LRRC69: variants seen among roughly 807,000 people sequenced by gnomAD.
LRRC69 encodes leucine rich repeat containing 69, also known as leucine-rich repeat-containing protein 69.
LRRC69 carries 42 observed loss-of-function variants against 37.8 expected under a neutral mutation model. The observed-to-expected ratio is 1.11, with a 90% confidence interval of 0.87 to 1.44. The LOEUF (loss-of-function observed/expected upper bound fraction) is 1.44. LRRC69 is among the 40% of genes most tolerant of loss of function. The pLI, the probability that LRRC69 is intolerant of heterozygous loss-of-function variation, is 0.00. For synonymous variants in LRRC69, 141 were observed against 143.1 expected, an observed-to-expected ratio of 0.99 and a Z score of 0.11; for missense variants, 357 against 401.9, an observed-to-expected ratio of 0.89 and a Z score of 0.96.
chr8:91,218,963 A>T, exon 8 of LRRC69: 1 of 1,551,146 alleles, frequency 6.4e-7, no homozygotes, highest in South Asian at 1.2e-5. Context: ...TGTTTTACTC[A>T]ACGTGACCCT....
chr8:91,105,496 C>T (rs1480350842), intron 1 of LRRC69, among the ~76,000 whole-genome samples: 4 of 151,604 alleles, frequency 2.6e-5, no homozygotes, highest in African/African-American at 7.3e-5. Context: ...CTGGCCTGGG[C>T]AACATAGTGA....
intron 5 of LRRC69, among the ~76,000 whole-genome samples, chr8:91,151,672 GC>G (rs989005326): frequency 6.6e-6 from 1 of 151,688 alleles, no homozygotes; most frequent in African/African-American, 2.4e-5. Context: ...TAATGGGATT[GC>G]TGGGTCAAAT....
intron 6 of LRRC69, among the ~76,000 whole-genome samples, chr8:91,198,294 T>G (rs6987764): frequency 0.44 from 66,549 of 152,016 alleles, 16,734 homozygotes; most frequent in South Asian, 0.64. Flanking sequence ...AATCCCAACT[T>G]TACAGATGAG....
chr8:91,148,934 G>GT (rs995842874), intron 5 of LRRC69, among the ~76,000 whole-genome samples: 2 of 151,674 alleles, frequency 1.3e-5, no homozygotes, highest in African/African-American at 4.8e-5. Flanking sequence ...GGGGTTGTTT[G>GT]TTTTTTTCTT....
chr8:91,216,959 C>T (rs1810059764), intron 7 of LRRC69, among the ~76,000 whole-genome samples: 1 of 152,062 alleles, frequency 6.6e-6, no homozygotes, highest in South Asian at 2.1e-4. Flanking sequence ...TGGTTTCTCC[C>T]CAGGCAGACA....
In LRRC69 at chr8:91,127,171, T is replaced by C; in HGVS notation, c.383+11T>C. Reference sequence around the variant, plus strand: ...TCAAGAAGTCAGCAGGTAATTTTGTTTATAGCAAGACTTGGTTAACAATCG... The same window carrying C: ...TCAAGAAGTCAGCAGGTAATTTTGTCTATAGCAAGACTTGGTTAACAATCG... On this transcript the variant is annotated intron_variant, in intron 3 of 7. Coordinates refer to ENST00000448384, the Ensembl canonical transcript of LRRC69. 6.5e-7 allele frequency: 1 copy of C among 1,545,138 alleles called. No homozygotes were observed. The highest frequency in any genetic ancestry group is 1.2e-5 in the South Asian group (1 of 83,680).
At chr8:91,212,150 G>T (rs967458142) in intron 7 of LRRC69, among the ~76,000 whole-genome samples, 1 of 152,076 alleles carries the variant, frequency 6.6e-6, no homozygotes, top group Admixed American at 6.5e-5. Flanking sequence ...AGCTACTAAT[G>T]ATATAAATCT....
intron 5 of LRRC69, among the ~76,000 whole-genome samples, chr8:91,154,966 A>G (rs1039691358): frequency 6.6e-6 from 1 of 151,720 alleles, no homozygotes; most frequent in Non-Finnish European, 1.5e-5. Flanking sequence ...TCCTATATCC[A>G]GAAAACCCCG....
At position 91,140,639 on chromosome 8, in the gene LRRC69, A is replaced by ATTTTTTTTTT. The variant is rs71266165; in HGVS notation, c.651+4923_651+4932dup. 1.7e-4 allele frequency among the ~76,000 whole-genome samples: 4 copies of ATTTTTTTTTT among 23,252 alleles called. 1 individual carries two copies. The highest frequency in any genetic ancestry group is 9.2e-4 in the African/African-American group (4 of 4,326). 15.3% of individuals were successfully genotyped at this position (23,252 alleles called of 152,430 possible). A position where few individuals can be genotyped will look rare whatever the true frequency, so the allele number is the denominator to read the frequency against. Reference sequence around the variant, plus strand: ...TTAAATGAATATTCTTCAATATGTGATTTTTTTTTTTTTTTTTTTTTTTTT... The same window carrying ATTTTTTTTTT: ...TTAAATGAATATTCTTCAATATGTGATTTTTTTTTTTTTTTTTTTTTTTTTTTTTTTTTTT... On this transcript the variant is annotated intron_variant, in intron 5 of 7. Transcript: ENST00000448384.
chr8:91,155,626 C>T (rs952407894), intron 5 of LRRC69, among the ~76,000 whole-genome samples: 3 of 150,562 alleles, frequency 2.0e-5, no homozygotes, highest in Admixed American at 6.7e-5. Flanking sequence ...TGTTAACTAA[C>T]GTTTTCCTCA....
At chr8:91,106,975 T>G (rs1449453434) in intron 1 of LRRC69, among the ~76,000 whole-genome samples, 5 of 151,636 alleles carry the variant, frequency 3.3e-5, no homozygotes, top group African/African-American at 1.2e-4. Context: ...AAAATTTTTT[T>G]TTTTTGTTTG....
chr8:91,184,276 C>T (rs113133650), intron 5 of LRRC69, among the ~76,000 whole-genome samples: 14 of 152,150 alleles, frequency 9.2e-5, no homozygotes, highest in African/African-American at 3.4e-4. Context: ...AAAACCCCAC[C>T]CACTCATCCC....
intron 6 of LRRC69, among the ~76,000 whole-genome samples, chr8:91,198,550 T>C (rs1037773709): frequency 7.0e-5 from 10 of 142,908 alleles, no homozygotes; most frequent in Admixed American, 4.9e-4. Context: ...ATAATTTTTA[T>C]GTGTATAATT....
At chr8:91,121,045 C>A (rs562394614) in intron 1 of LRRC69, among the ~76,000 whole-genome samples, 8 of 151,940 alleles carry the variant, frequency 5.3e-5, no homozygotes, top group Non-Finnish European at 1.2e-4. Context: ...TGCTCAAGTT[C>A]CAAAGTTAGG....
At chr8:91,154,954 G>A (rs564543595) in intron 5 of LRRC69, among the ~76,000 whole-genome samples, 1 of 151,696 alleles carries the variant, frequency 6.6e-6, no homozygotes, top group South Asian at 2.1e-4. Context: ...CAGATGACAC[G>A]ATCCTATATC....
chr8:91,203,951 C>T (rs1371377176), intron 7 of LRRC69, among the ~76,000 whole-genome samples: 3 of 151,194 alleles, frequency 2.0e-5, no homozygotes, highest in Non-Finnish European at 4.4e-5. Context: ...AACCCCGTCT[C>T]TACTAAAAAA....
chr8:91,136,930 A>G (rs567637510), intron 5 of LRRC69, among the ~76,000 whole-genome samples: 83 of 152,158 alleles, frequency 5.5e-4, no homozygotes, highest in Admixed American at 1.4e-3. Context: ...TTGTATGTAT[A>G]TACCACATTT....
At chr8:91,118,537 A>C (rs1179557587) in intron 1 of LRRC69, 1 of 238,374 alleles carries the variant, frequency 4.2e-6, no homozygotes, top group Non-Finnish European at 8.3e-6. Context: ...AAAAGGAAAA[A>C]AAAATTCTTC....
intron 6 of LRRC69, among the ~76,000 whole-genome samples, chr8:91,192,961 A>G (rs1809527222): frequency 6.6e-6 from 1 of 152,184 alleles, no homozygotes; most frequent in African/African-American, 2.4e-5. Context: ...GTTTTCTTCT[A>G]GGGTTTTTTA....
Sources: gnomAD v4.1 joint callset for allele counts (sites outside exome capture counted in the v4.1 genomes callset) on GRCh38, gnomAD v4.1.1 for gene constraint, MANE v1.5 for transcripts, NCBI Gene and HGNC (gene_info 2026-07-23, HGNC 2026-07-21) for gene names.